Variants in TEAD1 observed in about 807,000 individuals in gnomAD.
TEAD1 encodes transcriptional enhancer factor TEF-1.
A neutral mutation model predicts 54.9 loss-of-function variants in TEAD1; 9 were observed. The ratio of observed to expected loss-of-function variants is 0.16; its 90% CI spans 0.10 to 0.29. The LOEUF is 0.29. TEAD1 is among the 10% of genes least tolerant of loss of function. The pLI is 1.00. For missense variants in TEAD1, 387 were observed against 535.9 expected (o/e 0.72, Z 2.74); for synonymous variants, 200 against 187.8 (o/e 1.07, Z -0.53).
At chr11:12,870,660 C>T (rs1034566689) in intron 5 of TEAD1, among the ~76,000 whole-genome samples, 13 of 152,130 alleles carry the variant, frequency 8.5e-5, no homozygotes, top group Non-Finnish European at 1.8e-4. Context: ...CCGAGATGGG[C>T]AGATTGCCTG....
intron 2 of TEAD1, among the ~76,000 whole-genome samples, chr11:12,741,908 G>A (rs1944658462): frequency 6.6e-6 from 1 of 152,166 alleles, no homozygotes; most frequent in African/African-American, 2.4e-5. Flanking sequence ...CTTTTCAGCA[G>A]AAAAATCATG....
intron 2 of TEAD1, among the ~76,000 whole-genome samples, chr11:12,757,275 G>T (rs1050221439): frequency 6.6e-6 from 1 of 152,020 alleles, no homozygotes; most frequent in Non-Finnish European, 1.5e-5. Flanking sequence ...CACCTCCTTG[G>T]CTTCTGGTCT....
chr11:12,869,355 G>C (rs973750973), intron 5 of TEAD1, among the ~76,000 whole-genome samples: 1 of 152,124 alleles, frequency 6.6e-6, no homozygotes, highest in African/African-American at 2.4e-5. Flanking sequence ...GTGGCACTTA[G>C]CACTCATCCT....
intron 2 of TEAD1, among the ~76,000 whole-genome samples, chr11:12,709,875 C>T (rs1022781167): frequency 3.4e-4 from 52 of 152,164 alleles, no homozygotes; most frequent in African/African-American, 8.4e-4. Flanking sequence ...CCCCTTTTTA[C>T]GTCTTTTAGT....
intron 2 of TEAD1, among the ~76,000 whole-genome samples, chr11:12,739,536 T>C (rs1270308779): frequency 4.6e-5 from 7 of 152,152 alleles, no homozygotes; most frequent in Non-Finnish European, 1.0e-4. Context: ...CCTACTGTAT[T>C]TGTCCTTTTG....
At chr11:12,756,714 A>T (rs1211193491) in intron 2 of TEAD1, among the ~76,000 whole-genome samples, 1 of 152,216 alleles carries the variant, frequency 6.6e-6, no homozygotes, top group Non-Finnish European at 1.5e-5. Flanking sequence ...TAGAATGTGC[A>T]TTCTGTTTGG....
chr11:12,739,501 T>C (rs928006553), intron 2 of TEAD1, among the ~76,000 whole-genome samples: 3 of 152,294 alleles, frequency 2.0e-5, no homozygotes, highest in African/African-American at 7.2e-5. Context: ...ATTTGACTAC[T>C]CTAGGTACCG....
At chr11:12,779,561 T>G (rs1945502804) in intron 3 of TEAD1, among the ~76,000 whole-genome samples, 1 of 152,194 alleles carries the variant, frequency 6.6e-6, no homozygotes, top group South Asian at 2.1e-4. Context: ...AGATAATACA[T>G]TAAAATACTT....
intron 9 of TEAD1, among the ~76,000 whole-genome samples, chr11:12,883,621 G>C (rs1948018355): frequency 6.6e-6 from 1 of 152,148 alleles, no homozygotes; most frequent in Non-Finnish European, 1.5e-5. Context: ...CTCGGGTCCT[G>C]AAAACTCTAA....
At chr11:12,779,366 G>A (rs887819085) in intron 3 of TEAD1, among the ~76,000 whole-genome samples, 15 of 152,160 alleles carry the variant, frequency 9.9e-5, no homozygotes, top group African/African-American at 3.6e-4. Context: ...ATGGGAGTAA[G>A]TTCTTCATTG....
At position 12,844,959 on chromosome 11, in the gene TEAD1, C is replaced by CTTTTTT. The variant is rs3046338; in HGVS notation, c.203-17272_203-17267dup. The stretch of plus-strand genomic sequence containing the variant: ...CTGCCCTGATTGACGTGTATGAAAT[C>CTTTTTT]TTTTTTTTTTTTTTTTTTTTTTTTG... On this transcript the variant is annotated intron_variant, in intron 3 of 12. Coordinates refer to ENST00000527636, the MANE Select transcript of TEAD1 (RefSeq NM_021961.6). Among the ~76,000 whole-genome samples, 367 of 64,664 alleles carry CTTTTTT rather than the reference C, an allele frequency of 5.7e-3. 20 individuals are homozygous for CTTTTTT. Among genetic ancestry groups the CTTTTTT allele is most frequent in the South Asian group, 0.012 (14 of 1,194 alleles). 42.4% of individuals were successfully genotyped at this position (64,664 alleles called of 152,430 possible).
intron 2 of TEAD1, among the ~76,000 whole-genome samples, chr11:12,700,868 A>G (rs2133837928): frequency 6.6e-6 from 1 of 152,332 alleles, no homozygotes; most frequent in East Asian, 1.9e-4. Flanking sequence ...TTCAATAAAA[A>G]TTGTTTTGAG....
At chr11:12,687,170 C>G (rs1284686709) in intron 2 of TEAD1, among the ~76,000 whole-genome samples, 19 of 152,236 alleles carry the variant, frequency 1.2e-4, no homozygotes, top group Admixed American at 1.2e-3. Context: ...TGATGCTGTA[C>G]TGCCTCTTGC....
Position 12,924,901 on chromosome 11 carries a change from C to T in TEAD1, c.874-11C>T, listed in dbSNP as rs370145923. On this transcript the variant is annotated splice_polypyrimidine_tract_variant and intron_variant, in intron 10 of 12. Coordinates refer to ENST00000527636, the MANE Select transcript of TEAD1 (RefSeq NM_021961.6). ...AGAGAATAACCCACACCTCCATTTC[C>T]TTTCCAACAGGCTGATTTAAACTGC... 3.2e-5 allele frequency: 52 copies of T among 1,614,044 alleles called. 1 individual carries two copies. Among genetic ancestry groups the T allele is most frequent in the South Asian group, 1.8e-4 (16 of 91,082 alleles).
At chr11:12,719,045 A>G (rs1944124392) in intron 2 of TEAD1, among the ~76,000 whole-genome samples, 1 of 151,634 alleles carries the variant, frequency 6.6e-6, no homozygotes, top group Non-Finnish European at 1.5e-5. Flanking sequence ...CGCGTTTTCA[A>G]ATGTGGTTGG....
intron 2 of TEAD1, among the ~76,000 whole-genome samples, chr11:12,732,448 A>T (rs1944443633): frequency 6.6e-6 from 1 of 152,064 alleles, no homozygotes; most frequent in African/African-American, 2.4e-5. Context: ...AACTCTGGGG[A>T]TGAGGGCTTG....
intron 2 of TEAD1, among the ~76,000 whole-genome samples, chr11:12,747,856 G>A (rs575181796): frequency 6.6e-6 from 1 of 152,260 alleles, no homozygotes; most frequent in East Asian, 1.9e-4. Flanking sequence ...GGTAGTAAGT[G>A]GAGGAATCAA....
intron 3 of TEAD1, among the ~76,000 whole-genome samples, chr11:12,812,944 T>C (rs1311598706): frequency 1.3e-5 from 2 of 152,208 alleles, no homozygotes; most frequent in Non-Finnish European, 2.9e-5. Context: ...GGTAGCAGCC[T>C]CCTGGCACAA....
At chr11:12,802,379 T>C (rs952859915) in intron 3 of TEAD1, among the ~76,000 whole-genome samples, 2 of 152,230 alleles carry the variant, frequency 1.3e-5, no homozygotes, top group Admixed American at 6.5e-5. Flanking sequence ...CAGTCACTTT[T>C]TTTTTAACCC....
Sources: allele counts gnomAD v4.1 joint callset (sites outside exome capture counted in the v4.1 genomes callset), GRCh38; gene constraint gnomAD v4.1.1; transcripts MANE v1.5; gene names NCBI Gene and HGNC (gene_info 2026-07-23, HGNC 2026-07-21).